GLS: variants seen among roughly 807,000 people sequenced by gnomAD.
GLS encodes the protein glutaminase.
GLS carries 36 observed loss-of-function variants against 86.7 expected under a neutral mutation model. The ratio of observed to expected loss-of-function variants is 0.42; its 90% confidence interval spans 0.32 to 0.55. The LOEUF is 0.55. GLS is among the 20% of genes least tolerant of loss of function. The probability of loss-of-function intolerance (pLI) is 0.17; values close to 1 mark genes in which losing one functional copy is unlikely to be tolerated. For synonymous variants in GLS, 317 were observed against 305.9 expected (o/e 1.04, Z -0.38); for missense variants, 528 against 833.4 (o/e 0.63, Z 4.51).
chr2:190,951,062 A>T lies in GLS; in HGVS notation c.1651-2503A>T, dbSNP rs1690704945. 6.6e-6 allele frequency among the ~76,000 whole-genome samples: 1 copy of T among 152,202 alleles called. No homozygotes were observed. The highest frequency in any genetic ancestry group is 2.1e-4 in the South Asian group (1 of 4,834). ...GATTTAGATTAAAGATGGGGAAGTC[A>T]GTGTGCCCAGAGGAATAGATGAATT... On this transcript the variant is annotated intron_variant, in intron 14 of 17. Coordinates refer to ENST00000320717, the MANE Select transcript of GLS (RefSeq NM_014905.5). This position sits in a 1 kb window ranked among gnomAD's most constrained non-coding sequence, Gnocchi z 4.2.
At chr2:190,932,910 C>T in intron 14 of GLS, 2 of 1,397,102 alleles carry the variant, frequency 1.4e-6, no homozygotes, top group Non-Finnish European at 1.9e-6. Context: ...ATCTTTCAAA[C>T]ATCTTTAGCT....
At chr2:190,934,723 A>C in intron 14 of GLS, 1 of 976,040 alleles carries the variant, frequency 1.0e-6, no homozygotes, top group Non-Finnish European at 1.2e-6. Context: ...TTTCAAAATT[A>C]GGTTGTTAAT....
chr2:190,962,570 C>T lies in GLS; in HGVS notation c.1854-260C>T, dbSNP rs1395212028. 2.0e-5 allele frequency among the ~76,000 whole-genome samples: 3 copies of T among 152,146 alleles called. No homozygotes were observed. Among genetic ancestry groups the T allele is most frequent in the East Asian group, 3.8e-4 (2 of 5,200 alleles). On this transcript the variant is annotated intron_variant, in intron 17 of 17. Coordinates refer to ENST00000320717, the MANE Select transcript of GLS (RefSeq NM_014905.5). This position sits in a 1 kb window ranked among gnomAD's most constrained non-coding sequence, Gnocchi z 4.2. Reference sequence around the variant, plus strand: ...CACAAGGACTTTCCTTAAAAAGCTCCCTCCATAAGCACTTGGATGTGTAAA... The same window carrying T: ...CACAAGGACTTTCCTTAAAAAGCTCTCTCCATAAGCACTTGGATGTGTAAA...
At chr2:190,937,124 CT>C (rs1409887325) in intron 14 of GLS, among the ~76,000 whole-genome samples, 1 of 151,382 alleles carries the variant, frequency 6.6e-6, no homozygotes, top group African/African-American at 2.4e-5. Flanking sequence ...CTTACTCGGT[CT>C]TTTCTCTGTC....
chr2:190,915,295 C>G (rs1316689027), intron 7 of GLS, among the ~76,000 whole-genome samples: 3 of 151,926 alleles, frequency 2.0e-5, no homozygotes, highest in Non-Finnish European at 4.4e-5. Context: ...CCACCGCGCC[C>G]GGCCTAAATT....
In GLS at chr2:190,930,680, T is replaced by C; in HGVS notation, c.1557+112T>C. On this transcript the variant is annotated intron_variant, in intron 13 of 17. Coordinates refer to ENST00000320717, the MANE Select transcript of GLS (RefSeq NM_014905.5). The surrounding 1 kb of genome is among the most constrained non-coding windows in gnomAD (Gnocchi z 5.0). ...TTAACTCTTGGCCCTCCGCCTATAG[T>C]GTGCCAGTTACTAGGGAGCCGTGGA... 2.1e-6 allele frequency: 2 copies of C among 937,042 alleles called. No individual in the cohort carries two copies. Among genetic ancestry groups the C allele is most frequent in the South Asian group, 3.7e-5 (2 of 53,518 alleles). 58.0% of individuals were successfully genotyped at this position (937,042 alleles called of 1,614,324 possible).
intron 7 of GLS, among the ~76,000 whole-genome samples, chr2:190,918,128 C>G (rs560473102): frequency 6.6e-6 from 1 of 152,082 alleles, no homozygotes; most frequent in Non-Finnish European, 1.5e-5. Flanking sequence ...CTGCCTTAGC[C>G]CCTAACAGGT....
In GLS at chr2:190,935,297, G is replaced by GT. The variant is rs532910320; in HGVS notation, c.1650+3668dup. Reference sequence around the variant, plus strand: ...AAATTTATTTTAAGCTGATTTTATTGTTTTTTTTGTTTTGTTTTGTTTTGT... The same window carrying GT: ...AAATTTATTTTAAGCTGATTTTATTGTTTTTTTTTGTTTTGTTTTGTTTTGT... On this transcript the variant is annotated intron_variant, in intron 14 of 17. Transcript: ENST00000320717. This position sits in a 1 kb window ranked among gnomAD's most constrained non-coding sequence, Gnocchi z 4.2. 1.5e-3 allele frequency: 701 copies of GT among 474,998 alleles called. No homozygotes were observed. The highest frequency in any genetic ancestry group is 6.5e-3 in the South Asian group (70 of 10,770). 29.4% of individuals were successfully genotyped at this position (474,998 alleles called of 1,614,324 possible). A position where few individuals can be genotyped will look rare whatever the true frequency, so the allele number is the denominator to read the frequency against.
Position 190,936,609 on chromosome 2 carries a change from TA to T in GLS, c.1650+4973del, listed in dbSNP as rs139818120. On this transcript the variant is annotated intron_variant, in intron 14 of 17. Coordinates refer to ENST00000320717, the MANE Select transcript of GLS (RefSeq NM_014905.5). ...GGTTTCTGTTACCATTCCCATTCACTACCAGGACTGCCAGGGTAAGAGAGTA... is the reference window on the plus strand; with the variant it reads ...GGTTTCTGTTACCATTCCCATTCACTCCAGGACTGCCAGGGTAAGAGAGTA... Among the ~76,000 whole-genome samples the T allele has an allele frequency of 6.6e-5, 10 of 151,188 alleles. No homozygotes were observed. In the East Asian group the frequency reaches 1.9e-3, roughly 29 times the overall value.
chr2:190,958,193 TTTC>T (rs1690908549), intron 17 of GLS, among the ~76,000 whole-genome samples: 2 of 152,244 alleles, frequency 1.3e-5, no homozygotes, highest in South Asian at 4.1e-4. Flanking sequence ...AATTTATCAA[TTTC>T]TTCTAGATTT....
At chr2:190,884,805 A>G (rs1229254927) in intron 1 of GLS, among the ~76,000 whole-genome samples, 2 of 152,182 alleles carry the variant, frequency 1.3e-5, no homozygotes, top group East Asian at 3.8e-4. Flanking sequence ...TGTTAAAACA[A>G]CAATGAGGTC....
At chr2:190,889,785 C>T (rs890709041) in intron 1 of GLS, among the ~76,000 whole-genome samples, 2 of 152,076 alleles carry the variant, frequency 1.3e-5, no homozygotes, top group Non-Finnish European at 1.5e-5. Context: ...TGACCATTTC[C>T]TCACATAAAG....
At chr2:190,899,602 A>G (rs1325476446) in intron 3 of GLS, among the ~76,000 whole-genome samples, 1 of 152,138 alleles carries the variant, frequency 6.6e-6, no homozygotes, top group Middle Eastern at 3.2e-3. Flanking sequence ...CGTTGGTATT[A>G]TGGCTTAACA....
At chr2:190,901,854 G>T in intron 4 of GLS, 93 bp from the exon 5 acceptor site, 1 of 781,060 alleles carries the variant, frequency 1.3e-6, no homozygotes. Context: ...GTCATTGGTA[G>T]AAGGTAAAAT....
Position 190,964,073 on chromosome 2 carries a change from C to T in GLS, c.*1087C>T, listed in dbSNP as rs1691065865. 6.6e-6 allele frequency: 1 copy of T among 151,852 alleles called. No individual in the cohort carries two copies. Among genetic ancestry groups the T allele is most frequent in the South Asian group, 2.1e-4 (1 of 4,784 alleles). 9.4% of individuals were successfully genotyped at this position (151,852 alleles called of 1,614,324 possible). A position where few individuals can be genotyped will look rare whatever the true frequency, so the allele number is the denominator to read the frequency against. On this transcript the variant is annotated 3_prime_UTR_variant, in exon 18 of 18. Coordinates refer to ENST00000320717, the MANE Select transcript of GLS (RefSeq NM_014905.5). This position sits in a 1 kb window ranked among gnomAD's most constrained non-coding sequence, Gnocchi z 5.2. ...CTCCTTGGGGGACCACTGGATCATT[C>T]CAGATTTCTTGTGATTTTTCTATTG...
At chr2:190,904,045 A>C (rs1689045225) in intron 5 of GLS, among the ~76,000 whole-genome samples, 1 of 152,084 alleles carries the variant, frequency 6.6e-6, no homozygotes, top group African/African-American at 2.4e-5. Flanking sequence ...GTTTGGTGGT[A>C]ATATAAAGCT....
In GLS at chr2:190,962,983, G is replaced by A. The variant is rs1691039482; in HGVS notation, c.2007G>A (p.Leu669=). 1.3e-6 allele frequency: 2 copies of A among 1,589,314 alleles called. No homozygotes were observed. Among genetic ancestry groups the A allele is most frequent in the African/African-American group, 1.4e-5 (1 of 73,616 alleles). The change falls in exon 18 of 18, where the codon TTG becomes TTA. Residue 669 remains leucine (L), a synonymous_variant. Coordinates refer to ENST00000320717, the MANE Select transcript of GLS (RefSeq NM_014905.5). This position sits in a 1 kb window ranked among gnomAD's most constrained non-coding sequence, Gnocchi z 4.2. ...TCCATAAGAATCTTGATGGATTGTT[G>A]TAATGGTCTCAAATCCCAAGATTTA... ...QTVHKNLDGL[L]
Position 190,938,743 on chromosome 2 carries a change from A to T in GLS, c.1650+7106A>T, listed in dbSNP as rs1690345740. Among the ~76,000 whole-genome samples the T allele has an allele frequency of 6.6e-6, 1 of 151,728 alleles. No individual in the cohort carries two copies. Among genetic ancestry groups the T allele is most frequent in the Non-Finnish European group, 1.5e-5 (1 of 67,660 alleles). On this transcript the variant is annotated intron_variant, in intron 14 of 17. Coordinates refer to ENST00000320717, the MANE Select transcript of GLS (RefSeq NM_014905.5). This position sits in a 1 kb window ranked among gnomAD's most constrained non-coding sequence, Gnocchi z 4.1. ...TTTTAATGAGAGAAGCATAATTGGC[A>T]GTAGTTAATGTGACTATAAGTTATT...
rs140202786 is a variant in GLS, at chr2:190,892,245, C to G, written c.387-2907C>G. Among the ~76,000 whole-genome samples, 662 of 152,026 alleles carry G rather than the reference C, an allele frequency of 4.4e-3. 4 individuals carry two copies. Among genetic ancestry groups the G allele is most frequent in the African/African-American group, 0.015 (625 of 41,468 alleles). ...AGAAACAATATGATGGTAAGATGAT[C>G]TTAAAGGCAGCATTTAGAAAGGAAA... is the stretch of plus-strand genomic sequence containing the variant. On this transcript the variant is annotated intron_variant, in intron 1 of 17. Transcript: ENST00000320717.
Sources: gnomAD v4.1 joint callset for allele counts (sites outside exome capture counted in the v4.1 genomes callset) on GRCh38, gnomAD v4.1.1 for gene constraint, Gnocchi (gnomAD v3.1) non-coding constraint, MANE v1.5 for transcripts, NCBI Gene and HGNC (gene_info 2026-07-23, HGNC 2026-07-21) for gene names.